Variants in RAB22A observed in about 807,000 individuals in gnomAD.
RAB22A encodes ras-related protein Rab-22A.
In RAB22A, 13 loss-of-function variants were observed where a neutral mutation model predicts 30.2. The observed-to-expected ratio is 0.43, with a 90% CI of 0.28 to 0.68. RAB22A has a LOEUF of 0.68. Ranked by LOEUF, RAB22A falls within the 30% of genes least tolerant of loss-of-function variation. The probability of loss-of-function intolerance (pLI) is 0.18; values close to 1 mark genes in which losing one functional copy is unlikely to be tolerated. For synonymous variants in RAB22A, 89 were observed against 87.2 expected (o/e 1.02, Z -0.11); for missense variants, 177 against 246.8 (o/e 0.72, Z 1.89).
intron 2 of RAB22A, among the ~76,000 whole-genome samples, chr20:58,320,134 T>G (rs1986423936): frequency 6.6e-6 from 1 of 152,218 alleles, no homozygotes; most frequent in South Asian, 2.1e-4. Context: ...TGTCTTCTCT[T>G]CTACTTTTTT....
At position 58,353,467 on chromosome 20, in the gene RAB22A, G is replaced by A; in HGVS notation, c.306G>A (p.Glu102=). 1 of 1,613,592 alleles carries A rather than the reference G, an allele frequency of 6.2e-7. No homozygotes were observed. Among genetic ancestry groups the A allele is most frequent in the Non-Finnish European group, 8.5e-7 (1 of 1,179,530 alleles). Reference sequence around the variant, plus strand: ...CAACATTAAAGAATTGGGTGAAAGAGCTTCGACAGCATGGCCCACCTAATA... The same window carrying A: ...CAACATTAAAGAATTGGGTGAAAGAACTTCGACAGCATGGCCCACCTAATA... ...TFSTLKNWVK[E]LRQHGPPNIV... The change falls in exon 5 of 7, where the codon GAG becomes GAA. Residue 102 remains glutamate, a synonymous_variant. Coordinates refer to ENST00000244040, the MANE Select transcript of RAB22A (RefSeq NM_020673.3).
At chr20:58,326,758 T>G (rs959123463) in intron 2 of RAB22A, among the ~76,000 whole-genome samples, 1 of 152,226 alleles carries the variant, frequency 6.6e-6, no homozygotes, top group Non-Finnish European at 1.5e-5. Context: ...ATTATTTACA[T>G]ACACAATCAT....
intron 2 of RAB22A, among the ~76,000 whole-genome samples, chr20:58,315,775 C>A (rs886964056): frequency 2.6e-5 from 4 of 152,122 alleles, no homozygotes; most frequent in Non-Finnish European, 5.9e-5. Flanking sequence ...ATCCTCACAT[C>A]TGAGCCCTCA....
chr20:58,337,192 A>G (rs548877799), intron 2 of RAB22A, among the ~76,000 whole-genome samples: 2 of 152,334 alleles, frequency 1.3e-5, no homozygotes, highest in East Asian at 3.9e-4. Flanking sequence ...GATTAAAGTC[A>G]AAGTATTGAC....
chr20:58,354,072 A>T, intron 5 of RAB22A, 84 bp from the exon 6 acceptor site: 3 of 908,308 alleles, frequency 3.3e-6, no homozygotes, highest in Non-Finnish European at 1.7e-6. Flanking sequence ...TTGTCATCAT[A>T]AATCTGGTTA....
intron 2 of RAB22A, among the ~76,000 whole-genome samples, chr20:58,318,606 G>A (rs75407828): frequency 0.018 from 2,727 of 152,020 alleles, 34 homozygotes; most frequent in Non-Finnish European, 0.02. Flanking sequence ...CAGATAAGGG[G>A]TACTCAGCAT....
At chr20:58,325,840 A>C (rs898846229) in intron 2 of RAB22A, among the ~76,000 whole-genome samples, 2 of 152,192 alleles carry the variant, frequency 1.3e-5, no homozygotes, top group Non-Finnish European at 2.9e-5. Flanking sequence ...TGTTCTCTGA[A>C]TGGAATTAGG....
rs1292934662 is a variant in RAB22A at position 58,362,569 on chromosome 20, G to C, written c.*2866G>C. On this transcript the variant is annotated 3_prime_UTR_variant, in exon 7 of 7. Coordinates refer to ENST00000244040, the MANE Select transcript of RAB22A (RefSeq NM_020673.3). Reference sequence around the variant, plus strand: ...AGAAATTGAAATAAGCTCTTTGCAGGCGTCCAATCCTAGAAACCAATGGTC... The same window carrying C: ...AGAAATTGAAATAAGCTCTTTGCAGCCGTCCAATCCTAGAAACCAATGGTC... 6.6e-6 allele frequency: 1 copy of C among 152,152 alleles called. No individual in the cohort carries two copies. The highest frequency in any genetic ancestry group is 6.5e-5 in the Admixed American group (1 of 15,280). The allele number at this position is 152,152 out of a possible 1,614,324, so 9.4% of individuals were successfully genotyped here.
At chr20:58,329,056 CTT>C (rs34919452) in intron 2 of RAB22A, among the ~76,000 whole-genome samples, 7 of 139,764 alleles carry the variant, frequency 5.0e-5, no homozygotes, top group Admixed American at 7.2e-5. Flanking sequence ...TGCATATTCC[CTT>C]TTTTTTTTTT....
chr20:58,317,209 G>A (rs1178341102), intron 2 of RAB22A, among the ~76,000 whole-genome samples: 1 of 152,072 alleles, frequency 6.6e-6, no homozygotes. Flanking sequence ...TGATTCTCCT[G>A]TTTCGACCTC....
chr20:58,327,478 G>C (rs1285697921), intron 2 of RAB22A, among the ~76,000 whole-genome samples: 1 of 152,188 alleles, frequency 6.6e-6, no homozygotes, highest in Admixed American at 6.5e-5. Flanking sequence ...TTTGCCCTTT[G>C]AGCCTCTCCA....
At chr20:58,345,323 G>A (rs374608213) in intron 3 of RAB22A, 4 of 152,238 alleles carry the variant, frequency 2.6e-5, no homozygotes, top group African/African-American at 9.6e-5. Context: ...TAACACAAAG[G>A]TGTTTGCCTC....
intron 2 of RAB22A, among the ~76,000 whole-genome samples, chr20:58,312,902 A>C (rs1483048068): frequency 6.6e-6 from 1 of 152,146 alleles, no homozygotes; most frequent in Non-Finnish European, 1.5e-5. Flanking sequence ...TTTAAGAAAG[A>C]GCTGGGTATG....
At position 58,344,829 on chromosome 20, in the gene RAB22A, C is replaced by T. The variant is rs561129730; in HGVS notation, c.198+1030C>T. Among the ~76,000 whole-genome samples, 11 of 152,324 alleles carry T rather than the reference C, an allele frequency of 7.2e-5. No homozygotes were observed. The South Asian group carries it at 2.3e-3, about 32-fold the overall frequency. On this transcript the variant is annotated intron_variant, in intron 3 of 6. Transcript: ENST00000244040. ...TAGACATAGACTCCATGCATTTGTA[C>T]AGGTTTAATGTCTTAAGTTTGCTCT...
chr20:58,356,873 G>T (rs1263412321), intron 6 of RAB22A, among the ~76,000 whole-genome samples: 1 of 152,136 alleles, frequency 6.6e-6, no homozygotes, highest in Non-Finnish European at 1.5e-5. Context: ...TGCGGGTAAG[G>T]GGGCAGTGAA....
In RAB22A at chr20:58,363,080, C is replaced by T. The variant is rs556286280; in HGVS notation, c.*3377C>T. ...CTGGGAAATATAGTAATGAAAATAT[C>T]CTTTAGCTAACTTTCCTGTAACTGT... On this transcript the variant is annotated 3_prime_UTR_variant, in exon 7 of 7. Transcript: ENST00000244040. 1 of 152,288 alleles carries T rather than the reference C, an allele frequency of 6.6e-6. No individual in the cohort carries two copies. The highest frequency in any genetic ancestry group is 2.1e-4 in the South Asian group (1 of 4,818). The allele number at this position is 152,288 out of a possible 1,614,324, so 9.4% of individuals were successfully genotyped here.
At chr20:58,333,689 C>T (rs562120134) in intron 2 of RAB22A, among the ~76,000 whole-genome samples, 2 of 152,268 alleles carry the variant, frequency 1.3e-5, no homozygotes, top group South Asian at 2.1e-4. Context: ...AAGATGCATA[C>T]TGTAATCTCT....
chr20:58,335,434 A>T (rs1986732234), intron 2 of RAB22A, among the ~76,000 whole-genome samples: 1 of 152,224 alleles, frequency 6.6e-6, no homozygotes, highest in South Asian at 2.1e-4. Flanking sequence ...TAATACAGGA[A>T]AAAAGCCATC....
chr20:58,312,919 G>T (rs917394750), intron 2 of RAB22A, among the ~76,000 whole-genome samples: 1 of 152,182 alleles, frequency 6.6e-6, no homozygotes, highest in African/African-American at 2.4e-5. Flanking sequence ...TATGACACAT[G>T]TAAAACATGA....
Sources: allele counts gnomAD v4.1 joint callset (sites outside exome capture counted in the v4.1 genomes callset), GRCh38; gene constraint gnomAD v4.1.1; transcripts MANE v1.5; gene names NCBI Gene and HGNC (gene_info 2026-07-23, HGNC 2026-07-21).